Variants in EPB41L4B observed in about 807,000 individuals in gnomAD.
EPB41L4B encodes band 4.1-like protein 4B.
In EPB41L4B, 30 loss-of-function variants were observed where a neutral mutation model predicts 112.5. The observed-to-expected ratio is 0.27, with a 90% CI of 0.20 to 0.36. The LOEUF (loss-of-function observed/expected upper bound fraction) is 0.36. Ranked by LOEUF, EPB41L4B falls within the 10% of genes least tolerant of loss-of-function variation. EPB41L4B has a pLI of 1.00. For missense variants in EPB41L4B, 1,024 were observed against 1,133.3 expected, an observed-to-expected ratio of 0.90 and a Z score of 1.38; for synonymous variants, 408 against 439.7, an observed-to-expected ratio of 0.93 and a Z score of 0.90.
chr9:109,199,703 G>A (rs1436363227), intron 20 of EPB41L4B, among the ~76,000 whole-genome samples: 3 of 152,116 alleles, frequency 2.0e-5, no homozygotes, highest in African/African-American at 7.2e-5. Flanking sequence ...AGTTCTGTGC[G>A]TAGGTTACAA....
At chr9:109,185,338 T>A (rs1243506553) in intron 23 of EPB41L4B, 151 bp downstream of exon 23, 1 of 640,806 alleles carries the variant, frequency 1.6e-6, no homozygotes, top group Non-Finnish European at 2.7e-6. Context: ...GGACTCCAAA[T>A]CCTCCATCCA....
At chr9:109,198,197 C>G (rs565222234) in intron 20 of EPB41L4B, among the ~76,000 whole-genome samples, 1 of 152,292 alleles carries the variant, frequency 6.6e-6, no homozygotes, top group South Asian at 2.1e-4. Flanking sequence ...AATGGCAGAC[C>G]TGAGATGGCT....
chr9:109,309,806 T>C (rs1837348820), intron 1 of EPB41L4B, among the ~76,000 whole-genome samples: 1 of 150,120 alleles, frequency 6.7e-6, no homozygotes, highest in Non-Finnish European at 1.5e-5. Context: ...AGGTGAAAGG[T>C]ACTCAACCCC....
chr9:109,194,417 A>G lies in EPB41L4B; in HGVS notation c.2046-20T>C. 6.2e-7 allele frequency: 1 copy of G among 1,612,300 alleles called. No homozygotes were observed. Among genetic ancestry groups the G allele is most frequent in the Non-Finnish European group, 8.5e-7 (1 of 1,178,818 alleles). On this transcript the variant is annotated intron_variant, in intron 20 of 25. Transcript: ENST00000374566. ...TCATCACTGCGGTTACTAAAAGCACATGAAGCTCTGCTCATTACAATAATA... is the reference window on the plus strand; with the variant it reads ...TCATCACTGCGGTTACTAAAAGCACGTGAAGCTCTGCTCATTACAATAATA...
At chr9:109,307,396 C>T in intron 1 of EPB41L4B, 1 of 354,580 alleles carries the variant, frequency 2.8e-6, no homozygotes, top group Non-Finnish European at 5.5e-6. Context: ...ATTACAATAT[C>T]CCATATCCCA....
At chr9:109,306,846 T>C (rs534904251) in intron 1 of EPB41L4B, among the ~76,000 whole-genome samples, 16 of 152,114 alleles carry the variant, frequency 1.1e-4, no homozygotes, top group South Asian at 4.2e-4. Flanking sequence ...GCTGGAACAC[T>C]ATACAGAGCT....
chr9:109,173,695 G>T lies in EPB41L4B; in HGVS notation c.*859C>A, dbSNP rs576983731. On this transcript the variant is annotated 3_prime_UTR_variant, in exon 26 of 26. Coordinates refer to ENST00000374566, the MANE Select transcript of EPB41L4B (RefSeq NM_019114.5). ...ATTTAGAGGGATATTTTGTGGTTAG[G>T]GGGTTGCTTTATTCCTGCAAAGTTG... is the stretch of plus-strand genomic sequence containing the variant. 6.5e-6 allele frequency: 1 copy of T among 152,676 alleles called. No individual in the cohort carries two copies. Among genetic ancestry groups the T allele is most frequent in the East Asian group, 1.9e-4 (1 of 5,186 alleles). The allele number at this position is 152,676 out of a possible 1,614,324, so 9.5% of individuals were successfully genotyped here.
Position 109,255,761 on chromosome 9 carries a change from G to C in EPB41L4B, c.999+13C>G, listed in dbSNP as rs1443729171. ...TTTCACAGCAAGGGGGAAGAAATGG[G>C]AGCCAGGCCTACCTGATCATCATCC... is the stretch of plus-strand genomic sequence containing the variant. On this transcript the variant is annotated intron_variant, in intron 10 of 25. Coordinates refer to ENST00000374566, the MANE Select transcript of EPB41L4B (RefSeq NM_019114.5). 6.2e-7 allele frequency: 1 copy of C among 1,612,962 alleles called. No homozygotes were observed. The highest frequency in any genetic ancestry group is 8.5e-7 in the Non-Finnish European group (1 of 1,179,586).
intron 4 of EPB41L4B, among the ~76,000 whole-genome samples, chr9:109,265,694 A>T (rs1835377873): frequency 6.6e-6 from 1 of 152,212 alleles, no homozygotes; most frequent in Non-Finnish European, 1.5e-5. Flanking sequence ...TCTTGGCTTA[A>T]ATAAGAGGGG....
intron 14 of EPB41L4B, among the ~76,000 whole-genome samples, chr9:109,245,769 G>A (rs920509657): frequency 1.3e-5 from 2 of 152,164 alleles, no homozygotes; most frequent in Admixed American, 6.5e-5. Flanking sequence ...TCTCTTCCCG[G>A]TCAATTTATT....
intron 17 of EPB41L4B, among the ~76,000 whole-genome samples, chr9:109,209,359 T>TAA (rs548489096): frequency 1.4e-5 from 2 of 144,050 alleles, no homozygotes; most frequent in African/African-American, 5.1e-5. Flanking sequence ...CTTGGACCAT[T>TAA]AAAAAAAAAA....
intron 23 of EPB41L4B, 141 bp downstream of exon 23, chr9:109,185,348 A>T (rs1008385983): frequency 1.5e-6 from 1 of 682,504 alleles, no homozygotes; most frequent in Non-Finnish European, 2.5e-6. Context: ...TCCTCCATCC[A>T]TCTGGAGTGA....
At chr9:109,213,196 C>T (rs749329906) in intron 17 of EPB41L4B, among the ~76,000 whole-genome samples, 1 of 152,158 alleles carries the variant, frequency 6.6e-6, no homozygotes, top group Non-Finnish European at 1.5e-5. Flanking sequence ...TGGTATGTAT[C>T]GTTCTAAGAT....
In EPB41L4B at chr9:109,192,427, G is replaced by A. The variant is rs1832491578; in HGVS notation, c.2224-72C>T. ...ATGATAAAGTTCACCAGAAAAGACA[G>A]GCAGAGGTTCCCAGCCTCTCCTCTA... On this transcript the variant is annotated intron_variant, in intron 21 of 25. Transcript: ENST00000374566. 4.9e-6 allele frequency: 6 copies of A among 1,213,444 alleles called. No homozygotes were observed. In the South Asian group the frequency reaches 8.7e-5, roughly 18 times the overall value. The allele number at this position is 1,213,444 out of a possible 1,614,324, so 75.2% of individuals were successfully genotyped here. A position where few individuals can be genotyped will look rare whatever the true frequency, so the allele number is the denominator to read the frequency against.
chr9:109,174,720 A>T, intron 25 of EPB41L4B, 97 bp from the exon 26 acceptor site: 1 of 991,498 alleles, frequency 1.0e-6, no homozygotes. Flanking sequence ...TCCTGATCTC[A>T]GTGTTGGACT....
chr9:109,173,493 G>T lies in EPB41L4B; in HGVS notation c.*1061C>A, dbSNP rs1232080025. 3 of 152,508 alleles carry T rather than the reference G, an allele frequency of 2.0e-5. No homozygotes were observed. Among genetic ancestry groups the T allele is most frequent in the Non-Finnish European group, 2.9e-5 (2 of 68,010 alleles). The allele number at this position is 152,508 out of a possible 1,614,324, so 9.4% of individuals were successfully genotyped here. ...TATAACTCAAATATCTAATAATGGGGTGAAGTGAGGTTACCCATGTTACAT... is the reference window on the plus strand; with the variant it reads ...TATAACTCAAATATCTAATAATGGGTTGAAGTGAGGTTACCCATGTTACAT... On this transcript the variant is annotated 3_prime_UTR_variant, in exon 26 of 26. Transcript: ENST00000374566.
intron 1 of EPB41L4B, among the ~76,000 whole-genome samples, chr9:109,312,821 G>T (rs1837467420): frequency 6.6e-6 from 1 of 152,136 alleles, no homozygotes; most frequent in Non-Finnish European, 1.5e-5. Flanking sequence ...GGAACCCGGA[G>T]CCCAGGGATG....
chr9:109,222,116 T>C (rs944803838), intron 15 of EPB41L4B, among the ~76,000 whole-genome samples: 6 of 152,136 alleles, frequency 3.9e-5, no homozygotes, highest in African/African-American at 1.4e-4. Context: ...AGTAAAAAGA[T>C]ATATATGCAG....
intron 25 of EPB41L4B, among the ~76,000 whole-genome samples, chr9:109,176,031 TTGTCAATATCACACACACGCACACACA>T (rs1564244109): frequency 0.035 from 1,970 of 55,736 alleles, 50 homozygotes; most frequent in African/African-American, 0.13. Flanking sequence ...TCCCTATCCC[TTGTCAATATCACACACACGCACACACA>T]CACACACACA....
Sources: allele counts gnomAD v4.1 joint callset (sites outside exome capture counted in the v4.1 genomes callset), GRCh38; gene constraint gnomAD v4.1.1; transcripts MANE v1.5; gene names NCBI Gene and HGNC (gene_info 2026-07-23, HGNC 2026-07-21).